SLC35H1: variants seen among roughly 807,000 people sequenced by gnomAD.
SLC35H1 encodes the protein solute carrier family 35 member H1.
the SLC35H1 span, chr20:46,351,007 A>C: frequency 7.6e-7 from 1 of 1,315,160 alleles, no homozygotes; most frequent in Non-Finnish European, 1.1e-6. Flanking sequence ...GATCTTACTG[A>C]AATCCTGGGC....
the SLC35H1 span, chr20:46,350,805 G>A: frequency 1.2e-5 from 19 of 1,613,980 alleles, no homozygotes; most frequent in East Asian, 4.5e-5. Context: ...GGATATTCCC[G>A]AGAGGCAGAG....
At chr20:46,363,392 C>T in the SLC35H1 span, among the ~76,000 whole-genome samples, 1 of 152,206 alleles carries the variant, frequency 6.6e-6, no homozygotes, top group Admixed American at 6.5e-5. Context: ...TATTTGGTAG[C>T]TGCACTCCAA....
the SLC35H1 span, chr20:46,348,824 AGC>A: frequency 6.6e-6 from 1 of 152,246 alleles, no homozygotes; most frequent in African/African-American, 2.4e-5. Flanking sequence ...TCACTGGGAC[AGC>A]CACACCCTGG....
chr20:46,351,989 G>A, the SLC35H1 span: 1 of 1,552,686 alleles, frequency 6.4e-7, no homozygotes, highest in Non-Finnish European at 8.8e-7. Context: ...TGAAGCTGCT[G>A]GTGAGAAACC....
the SLC35H1 span, chr20:46,363,317 A>G: frequency 6.7e-6 from 1 of 150,280 alleles, no homozygotes; most frequent in African/African-American, 2.5e-5. Context: ...CCACTTGCCA[A>G]TGATTTCTAA....
At chr20:46,346,516 C>G in the SLC35H1 span, 1 of 152,320 alleles carries the variant, frequency 6.6e-6, no homozygotes, top group South Asian at 2.1e-4. Context: ...TGCGATGGCT[C>G]ACACCTGTAA....
At chr20:46,356,477 G>A in the SLC35H1 span, 2 of 1,207,820 alleles carry the variant, frequency 1.7e-6, no homozygotes, top group Non-Finnish European at 2.4e-6. Flanking sequence ...CCAGAGTGGT[G>A]GAGTGGCTGG....
At chr20:46,352,036 C>A in the SLC35H1 span, 17 of 1,612,980 alleles carry the variant, frequency 1.1e-5, no homozygotes, top group South Asian at 1.5e-4. Flanking sequence ...ACTGGCATCA[C>A]GCCCGAGTCT....
the SLC35H1 span, chr20:46,349,625 A>T: frequency 1.3e-5 from 2 of 152,612 alleles, no homozygotes; most frequent in Non-Finnish European, 1.5e-5. Flanking sequence ...TCACAGATTA[A>T]AAAACTACGG....
At chr20:46,355,416 T>G in the SLC35H1 span, 2 of 706,430 alleles carry the variant, frequency 2.8e-6, no homozygotes, top group South Asian at 3.8e-5. This position sits in a 1 kb window ranked among gnomAD's most constrained non-coding sequence, Gnocchi z 4.8. Context: ...AATGTCAGCA[T>G]GTAGGGCTGA....
the SLC35H1 span, among the ~76,000 whole-genome samples, chr20:46,353,391 C>T: frequency 2.8e-4 from 42 of 152,306 alleles, no homozygotes; most frequent in Non-Finnish European, 5.3e-4. Context: ...GAATGACTCC[C>T]GGCGTCCCTC....
At chr20:46,355,083 C>G in the SLC35H1 span, 1 of 1,614,122 alleles carries the variant, frequency 6.2e-7, no homozygotes, top group Non-Finnish European at 8.5e-7. The surrounding 1 kb of genome is among the most constrained non-coding windows in gnomAD (Gnocchi z 4.8). Context: ...CGAGTTCAGC[C>G]TTCTGCAGGA....
the SLC35H1 span, chr20:46,350,343 C>T: frequency 6.5e-7 from 1 of 1,546,434 alleles, no homozygotes; most frequent in East Asian, 2.3e-5. Context: ...ACAGTGAGTG[C>T]TGGCAGCAGG....
At chr20:46,362,281 C>CT in the SLC35H1 span, among the ~76,000 whole-genome samples, 1 of 152,282 alleles carries the variant, frequency 6.6e-6, no homozygotes, top group African/African-American at 2.4e-5. Context: ...GTAAACAACT[C>CT]TTTTTGAAAT....
At chr20:46,353,254 T>C in the SLC35H1 span, 1 of 152,144 alleles carries the variant, frequency 6.6e-6, no homozygotes, top group African/African-American at 2.4e-5. Context: ...TTGATGAACA[T>C]TTCCCAAAAA....
chr20:46,347,036 G>C, the SLC35H1 span: 1 of 152,244 alleles, frequency 6.6e-6, no homozygotes, highest in South Asian at 2.1e-4. Context: ...TCCATTTCCT[G>C]AGTGGTGATG....
the SLC35H1 span, among the ~76,000 whole-genome samples, chr20:46,360,844 C>A: frequency 6.6e-6 from 1 of 152,164 alleles, no homozygotes; most frequent in South Asian, 2.1e-4. Context: ...CCACCGCGCC[C>A]GGCTGCATTT....
At chr20:46,356,435 C>G in the SLC35H1 span, 1 of 800,736 alleles carries the variant, frequency 1.2e-6, no homozygotes, top group Non-Finnish European at 2.1e-6. Context: ...CTGCTGGGTG[C>G]CAGGGAGAGG....
chr20:46,355,770 C>A, the SLC35H1 span: 1 of 1,613,548 alleles, frequency 6.2e-7, no homozygotes, highest in Non-Finnish European at 8.5e-7. The surrounding 1 kb of genome is among the most constrained non-coding windows in gnomAD (Gnocchi z 4.8). Flanking sequence ...TCTGTGGGGG[C>A]AGGAAGGACA....
Sources: gnomAD v4.1 joint callset for allele counts (sites outside exome capture counted in the v4.1 genomes callset) on GRCh38, gnomAD v4.1.1 for gene constraint, Gnocchi (gnomAD v3.1) non-coding constraint, MANE v1.5 for transcripts, NCBI Gene and HGNC (gene_info 2026-07-23, HGNC 2026-07-21) for gene names.